TEX11: variants seen among roughly 807,000 people sequenced by gnomAD.
TEX11 encodes the protein testis-expressed protein 11.
TEX11 carries 7 observed loss-of-function variants against 84.4 expected under a neutral mutation model. The ratio of observed to expected loss-of-function variants is 0.08; its 90% confidence interval spans 0.05 to 0.16. The LOEUF (loss-of-function observed/expected upper bound fraction) is 0.16. Ranked by LOEUF, TEX11 falls within the 10% of genes least tolerant of loss-of-function variation. The pLI is 1.00. For synonymous variants in TEX11, 264 were observed against 222.8 expected, an observed-to-expected ratio of 1.18 and a Z score of -1.64; for missense variants, 551 against 660.5, an observed-to-expected ratio of 0.83 and a Z score of 1.82.
intron 9 of TEX11, among the ~76,000 whole-genome samples, chrX:70,748,375 A>G (rs1453036891): frequency 2.7e-5 from 3 of 111,590 alleles, no homozygotes; most frequent in Non-Finnish European, 3.8e-5. Flanking sequence ...GGGAGTAACA[A>G]TAAGATTAAC....
chrX:70,885,678 G>C (rs972831984), intron 2 of TEX11, among the ~76,000 whole-genome samples: 1 of 110,710 alleles, frequency 9.0e-6, no homozygotes, highest in Non-Finnish European at 1.9e-5. Context: ...GATCACTTGA[G>C]GTCAGGAGTT....
rs768408566 is a variant in TEX11 at position 70,813,649 on chromosome X, A to G, written c.607-6859T>C. ...AAGGGTATCCAATTAGGAAAAGAGG[A>G]AGTCAAATTGTCCCTGTTTGCAGAT... is the stretch of plus-strand genomic sequence containing the variant. On this transcript the variant is annotated intron_variant, in intron 8 of 29. Coordinates refer to ENST00000374333, the MANE Select transcript of TEX11 (RefSeq NM_031276.3). 1.9e-3 allele frequency among the ~76,000 whole-genome samples: 216 copies of G among 111,518 alleles called. 1 individual carries two copies. The highest frequency in any genetic ancestry group is 2.2e-3 in the Non-Finnish European group (118 of 53,120).
chrX:70,890,952 T>A (rs1030752328), intron 2 of TEX11, among the ~76,000 whole-genome samples: 5 of 112,330 alleles, frequency 4.5e-5, no homozygotes, highest in African/African-American at 1.6e-4. Flanking sequence ...TGCCTCCCAG[T>A]AGGGGCCGAC....
chrX:70,803,519 C>T, intron 9 of TEX11, among the ~76,000 whole-genome samples: 1 of 111,677 alleles, frequency 9.0e-6, no homozygotes. Flanking sequence ...TAAACAATAC[C>T]CACTACCACT....
intron 20 of TEX11, 47 bp from the exon 21 acceptor site, chrX:70,610,590 T>A (rs781223242): frequency 8.9e-7 from 1 of 1,120,557 alleles, no homozygotes; most frequent in South Asian, 2.0e-5. Flanking sequence ...AAATCTTTAC[T>A]ATAAAACATA....
intron 14 of TEX11, among the ~76,000 whole-genome samples, 174 bp downstream of exon 14, chrX:70,682,500 C>A (rs1310278813): frequency 2.7e-5 from 3 of 111,385 alleles, no homozygotes; most frequent in Non-Finnish European, 5.7e-5. Flanking sequence ...ATTCCACTTG[C>A]CCAATTTGTG....
At chrX:70,753,970 T>G (rs1180509326) in intron 9 of TEX11, among the ~76,000 whole-genome samples, 3 of 109,593 alleles carry the variant, frequency 2.7e-5, no homozygotes, top group African/African-American at 1.0e-4. Flanking sequence ...GGACTTCGGG[T>G]GAGACCCTGA....
At chrX:70,675,205 A>G (rs923171600) in intron 15 of TEX11, among the ~76,000 whole-genome samples, 1 of 112,115 alleles carries the variant, frequency 8.9e-6, no homozygotes, top group African/African-American at 3.2e-5. Flanking sequence ...AAAAAATCTT[A>G]TCAATTACTC....
chrX:70,734,980 T>A (rs1053484876), intron 11 of TEX11, among the ~76,000 whole-genome samples: 2 of 111,425 alleles, frequency 1.8e-5, no homozygotes, highest in East Asian at 5.6e-4. Context: ...GCTAGAAAAA[T>A]TAGAAAAGAA....
intron 2 of TEX11, among the ~76,000 whole-genome samples, chrX:70,889,331 C>T (rs187016398): frequency 1.8e-5 from 2 of 109,744 alleles, no homozygotes; most frequent in Non-Finnish European, 3.8e-5. Context: ...GCAGGAGAAT[C>T]GCTTGAACCC....
intron 4 of TEX11, among the ~76,000 whole-genome samples, chrX:70,870,705 G>A (rs2091625393): frequency 9.0e-6 from 1 of 111,647 alleles, no homozygotes; most frequent in Non-Finnish European, 1.9e-5. Context: ...TAACTTTGAA[G>A]CTGGTAGATT....
At chrX:70,591,649 T>C (rs1007095761) in intron 25 of TEX11, 102 bp downstream of exon 25, 3 of 548,651 alleles carry the variant, frequency 5.5e-6, no homozygotes, top group East Asian at 3.6e-5. Flanking sequence ...TGACTGGTTA[T>C]CAAGTACTGC....
At chrX:70,547,347 C>T (rs775300766) in intron 28 of TEX11, among the ~76,000 whole-genome samples, 1 of 111,190 alleles carries the variant, frequency 9.0e-6, no homozygotes, top group South Asian at 3.9e-4. Flanking sequence ...CTCCACCAAT[C>T]ATCCTCTCTG....
At chrX:70,850,496 C>T (rs530189857) in intron 7 of TEX11, among the ~76,000 whole-genome samples, 1 of 107,868 alleles carries the variant, frequency 9.3e-6, no homozygotes, top group Admixed American at 1.0e-4. Context: ...AATTCCAGCA[C>T]TTTGGGAGGG....
intron 9 of TEX11, among the ~76,000 whole-genome samples, chrX:70,780,668 C>T (rs1263410923): frequency 8.9e-6 from 1 of 112,770 alleles, no homozygotes; most frequent in East Asian, 2.8e-4. Flanking sequence ...TCGTGCCTGG[C>T]TTGGAGGGTC....
At chrX:70,681,750 GT>G (rs746697443) in intron 14 of TEX11, among the ~76,000 whole-genome samples, 1 of 110,950 alleles carries the variant, frequency 9.0e-6, no homozygotes, top group Non-Finnish European at 1.9e-5. Context: ...CCATCAAAAT[GT>G]TAAGAGTAGG....
chrX:70,511,444 T>C, the TEX11 span, among the ~76,000 whole-genome samples: 2 of 110,954 alleles, frequency 1.8e-5, no homozygotes, highest in African/African-American at 6.5e-5. Context: ...TTAATGAAAA[T>C]TGTGGACCTT....
intron 13 of TEX11, among the ~76,000 whole-genome samples, chrX:70,699,901 C>T (rs2147681025): frequency 9.0e-6 from 1 of 110,502 alleles, no homozygotes; most frequent in African/African-American, 3.3e-5. Flanking sequence ...TTAACTTTTA[C>T]CTTTGAAATA....
chrX:70,679,087 C>T (rs1308488977), intron 14 of TEX11, among the ~76,000 whole-genome samples, 198 bp from the exon 15 acceptor site: 1 of 112,656 alleles, frequency 8.9e-6, no homozygotes, highest in Non-Finnish European at 1.9e-5. Flanking sequence ...TGCAGGCGCG[C>T]GCCGCCACGC....
Sources: gnomAD v4.1 joint callset for allele counts (sites outside exome capture counted in the v4.1 genomes callset) on GRCh38, gnomAD v4.1.1 for gene constraint, MANE v1.5 for transcripts, NCBI Gene and HGNC (gene_info 2026-07-23, HGNC 2026-07-21) for gene names.